The following SLC2A13 variants were observed in gnomAD, a reference collection of about 807,000 sequenced individuals.
The protein encoded by SLC2A13 is proton myo-inositol cotransporter.
A neutral mutation model predicts 64.4 loss-of-function variants in SLC2A13; 32 were observed. The ratio of observed to expected loss-of-function variants is 0.50; its 90% confidence interval spans 0.37 to 0.67. The LOEUF is 0.67. Ranked by LOEUF, SLC2A13 falls within the 30% of genes least tolerant of loss-of-function variation. The pLI is 0.00. For synonymous variants in SLC2A13, 338 were observed against 327.1 expected (o/e 1.03, Z -0.36); for missense variants, 743 against 829.2 (o/e 0.90, Z 1.28).
chr12:39,798,384 G>A (rs1592147331), intron 7 of SLC2A13, among the ~76,000 whole-genome samples: 1 of 152,288 alleles, frequency 6.6e-6, no homozygotes, highest in Non-Finnish European at 1.5e-5. Flanking sequence ...TTGTGGCATA[G>A]CAATAGATGA....
chr12:39,891,808 A>G (rs1481483385), intron 4 of SLC2A13, among the ~76,000 whole-genome samples: 1 of 152,158 alleles, frequency 6.6e-6, no homozygotes, highest in Non-Finnish European at 1.5e-5. Context: ...ACATTTATCT[A>G]CAGTCTTTTC....
At chr12:40,004,871 GAAA>G (rs1555150383) in intron 3 of SLC2A13, among the ~76,000 whole-genome samples, 7 of 152,220 alleles carry the variant, frequency 4.6e-5, no homozygotes, top group Non-Finnish European at 1.5e-5. Context: ...TCATAAGAGA[GAAA>G]AATATATTTT....
At chr12:40,017,138 C>A (rs374335507) in intron 3 of SLC2A13, among the ~76,000 whole-genome samples, 1 of 152,204 alleles carries the variant, frequency 6.6e-6, no homozygotes, top group East Asian at 1.9e-4. Flanking sequence ...AGTCAAAGAT[C>A]AGACATCACC....
At chr12:39,794,032 G>A (rs1218428292) in intron 7 of SLC2A13, among the ~76,000 whole-genome samples, 3 of 140,816 alleles carry the variant, frequency 2.1e-5, no homozygotes, top group Non-Finnish European at 4.5e-5. Context: ...CTTGTTCTCT[G>A]ATACTGAGAA....
intron 1 of SLC2A13, among the ~76,000 whole-genome samples, chr12:40,049,989 T>A (rs1354550990): frequency 6.6e-6 from 1 of 152,172 alleles, no homozygotes; most frequent in East Asian, 1.9e-4. Flanking sequence ...GACACAGTAT[T>A]AACAGTCTTC....
chr12:39,824,717 G>A (rs1942622280), intron 7 of SLC2A13, among the ~76,000 whole-genome samples: 1 of 152,094 alleles, frequency 6.6e-6, no homozygotes, highest in South Asian at 2.1e-4. Context: ...TCATCTTATA[G>A]CCAGGAAATG....
chr12:39,772,136 T>C (rs1940602425), intron 7 of SLC2A13, among the ~76,000 whole-genome samples: 1 of 152,090 alleles, frequency 6.6e-6, no homozygotes. Flanking sequence ...ATATACTCCT[T>C]CTTCTACGGT....
At chr12:40,031,450 T>C (rs558267765) in intron 2 of SLC2A13, among the ~76,000 whole-genome samples, 3 of 152,306 alleles carry the variant, frequency 2.0e-5, no homozygotes, top group East Asian at 1.9e-4. Flanking sequence ...CTCAAACTCC[T>C]GATCTTGTGA....
chr12:39,965,332 C>T (rs1434796078), intron 3 of SLC2A13, among the ~76,000 whole-genome samples: 1 of 152,094 alleles, frequency 6.6e-6, no homozygotes, highest in African/African-American at 2.4e-5. Context: ...TTTTACAATG[C>T]TATTGGATTT....
intron 1 of SLC2A13, among the ~76,000 whole-genome samples, chr12:40,074,992 T>C (rs1938114600): frequency 6.6e-6 from 1 of 152,200 alleles, no homozygotes; most frequent in South Asian, 2.1e-4. Flanking sequence ...GAACTAGAAT[T>C]GGGTGCTTTG....
chr12:39,780,657 T>C (rs1445054849), intron 7 of SLC2A13, among the ~76,000 whole-genome samples: 8 of 152,168 alleles, frequency 5.3e-5, no homozygotes, highest in Non-Finnish European at 8.8e-5. Context: ...CATATCAATC[T>C]CAATGACTAA....
At chr12:40,021,388 GTTTCT>G (rs1368761398) in intron 3 of SLC2A13, among the ~76,000 whole-genome samples, 1 of 152,170 alleles carries the variant, frequency 6.6e-6, no homozygotes. Context: ...ATGAAATAGT[GTTTCT>G]TTTAAGTAAG....
intron 3 of SLC2A13, among the ~76,000 whole-genome samples, chr12:39,976,265 CA>C (rs1283561522): frequency 6.6e-6 from 1 of 152,186 alleles, no homozygotes; most frequent in Non-Finnish European, 1.5e-5. Flanking sequence ...CTGTCAAATG[CA>C]ATTCACCATC....
chr12:39,785,249 G>A (rs1231769857), intron 7 of SLC2A13, among the ~76,000 whole-genome samples: 1 of 152,174 alleles, frequency 6.6e-6, no homozygotes, highest in East Asian at 1.9e-4. Flanking sequence ...CATGCTGTGT[G>A]CAGCCTAGAG....
At chr12:39,811,105 C>T (rs1303687317) in intron 7 of SLC2A13, among the ~76,000 whole-genome samples, 1 of 151,894 alleles carries the variant, frequency 6.6e-6, no homozygotes, top group Non-Finnish European at 1.5e-5. Flanking sequence ...ATTTAGTTTT[C>T]CTATTTCTTT....
At chr12:39,829,856 C>T (rs1942804370) in intron 7 of SLC2A13, 1 of 444,804 alleles carries the variant, frequency 2.2e-6, no homozygotes, top group African/African-American at 2.0e-5. Flanking sequence ...AACTAAAGAT[C>T]CAAACTCCTA....
At chr12:39,985,003 C>G (rs1405721953) in intron 3 of SLC2A13, among the ~76,000 whole-genome samples, 2 of 152,080 alleles carry the variant, frequency 1.3e-5, no homozygotes, top group African/African-American at 2.4e-5. Flanking sequence ...AACTAGAATA[C>G]CAAACCCACC....
At chr12:39,812,068 G>T (rs1013792215) in intron 7 of SLC2A13, among the ~76,000 whole-genome samples, 1 of 152,088 alleles carries the variant, frequency 6.6e-6, no homozygotes, top group African/African-American at 2.4e-5. Flanking sequence ...AGACTGGATG[G>T]CTCTTACACA....
intron 1 of SLC2A13, among the ~76,000 whole-genome samples, chr12:40,099,452 T>C (rs1016499125): frequency 2.6e-5 from 4 of 152,244 alleles, no homozygotes; most frequent in African/African-American, 7.2e-5. Flanking sequence ...CTCTTAGCAG[T>C]TTCTACATCA....
Sources: gnomAD v4.1 joint callset for allele counts (sites outside exome capture counted in the v4.1 genomes callset) on GRCh38, gnomAD v4.1.1 for gene constraint, MANE v1.5 for transcripts, NCBI Gene and HGNC (gene_info 2026-07-23, HGNC 2026-07-21) for gene names.